The following LYSMD1 variants were observed in gnomAD, a reference collection of about 807,000 sequenced individuals.
The protein encoded by LYSMD1 is lysM and putative peptidoglycan-binding domain-containing protein 1.
Under a neutral mutation model 19.3 loss-of-function variants are expected in LYSMD1, and 9 were observed. The observed-to-expected ratio is 0.47, with a 90% CI of 0.28 to 0.81. The LOEUF is 0.81. LYSMD1 is among the 40% of genes least tolerant of loss of function. The pLI is 0.11. For synonymous variants in LYSMD1, 111 were observed against 111.7 expected (o/e 0.99, Z 0.04); for missense variants, 262 against 279.8 (o/e 0.94, Z 0.45).
rs1425177988 is a variant in LYSMD1 at position 151,165,658 on chromosome 1, T to A, written c.-400A>T. The A allele has an allele frequency of 1.9e-6, 3 of 1,549,728 alleles. No individual in the cohort carries two copies. The East Asian group carries it at 7.3e-5, about 38-fold the overall frequency. On this transcript the variant is annotated 5_prime_UTR_variant, in exon 1 of 3. Transcript: ENST00000368908. ...AGCTCTCCCCGGTCCCGGGGTTTGT[T>A]TGCTAGAGTCAGGAACAAATCAGGC...
chr1:151,151,402 T>C, the LYSMD1 span, among the ~76,000 whole-genome samples: 1 of 150,016 alleles, frequency 6.7e-6, no homozygotes, highest in Non-Finnish European at 1.5e-5. Context: ...GGTTTCACCG[T>C]GTTAGCCAGG....
Position 151,160,809 on chromosome 1 carries a change from C to T in LYSMD1, c.*73G>A, listed in dbSNP as rs1314929491. On this transcript the variant is annotated 3_prime_UTR_variant, in exon 3 of 3. Transcript: ENST00000368908. ...CAGGCTCATAAGCCATGTTCTTGAG[C>T]CTCACCTCAGGCTCCTCTCCCCCTG... 1 of 1,535,854 alleles carries T rather than the reference C, an allele frequency of 6.5e-7. No individual in the cohort carries two copies. The highest frequency in any genetic ancestry group is 1.7e-5 in the Admixed American group (1 of 57,898).
At position 151,162,376 on chromosome 1, in the gene LYSMD1, G is replaced by A. The variant is rs374376994; in HGVS notation, c.181-276C>T. Reference sequence around the variant, plus strand: ...GGAGGCTGAGGAGGGAGGATAGCTTGAGCCCGGGAATTAGAGTCCAGCCTG... The same window carrying A: ...GGAGGCTGAGGAGGGAGGATAGCTTAAGCCCGGGAATTAGAGTCCAGCCTG... On this transcript the variant is annotated intron_variant, in intron 1 of 2. Transcript: ENST00000368908. 2.6e-5 allele frequency among the ~76,000 whole-genome samples: 4 copies of A among 152,270 alleles called. No homozygotes were observed. In the East Asian group the frequency reaches 7.7e-4, roughly 29 times the overall value.
Position 151,165,723 on chromosome 1 carries a change from G to C in LYSMD1, c.-465C>G. The C allele has an allele frequency of 1.3e-6, 2 of 1,551,716 alleles. No individual in the cohort carries two copies. The highest frequency in any genetic ancestry group is 1.7e-6 in the Non-Finnish European group (2 of 1,147,000). The stretch of plus-strand genomic sequence containing the variant: ...CTGTCGCCGCAGACGAAGAGCGTGA[G>C]GATTGCAAGAATTTGTAGTACACCT... On this transcript the variant is annotated 5_prime_UTR_variant, in exon 1 of 3. Coordinates refer to ENST00000368908, the MANE Select transcript of LYSMD1 (RefSeq NM_212551.5).
rs781047723 is a variant in LYSMD1, at chr1:151,165,201, G to A, written c.58C>T (p.Arg20Trp). 1.2e-6 allele frequency: 2 copies of A among 1,614,136 alleles called. No individual in the cohort carries two copies. Among genetic ancestry groups the A allele is most frequent in the Admixed American group, 1.7e-5 (1 of 60,024 alleles). ...PGGSGLLQGS[R>W]ARSYGSLVQS... ...ACCAGGCTTCCATATGAACGAGCCCGGCTCCCTTGAAGCAGTCCTGACCCC... is the reference window on the plus strand; with the variant it reads ...ACCAGGCTTCCATATGAACGAGCCCAGCTCCCTTGAAGCAGTCCTGACCCC... The change falls in exon 1 of 3, where the codon CGG (arginine) becomes TGG (tryptophan). Residue 20 changes from arginine to tryptophan, a missense_variant. Transcript: ENST00000368908.
chr1:151,158,962 C>G (rs750403186), downstream of LYSMD1: 70 of 1,614,152 alleles, frequency 4.3e-5, no homozygotes, highest in Non-Finnish European at 5.6e-5. Context: ...CCTGGCTACC[C>G]GCTTTCGCCA....
Position 151,165,881 on chromosome 1 carries a change from G to A in LYSMD1, c.-623C>T. On this transcript the variant is annotated 5_prime_UTR_variant, in exon 1 of 3. Transcript: ENST00000368908. ...GATGCAAGGGCCTGGATCCAGTTGAGCGGCAAGGTCTTTGAGAAAAGACTT... is the reference window on the plus strand; with the variant it reads ...GATGCAAGGGCCTGGATCCAGTTGAACGGCAAGGTCTTTGAGAAAAGACTT... 9.4e-7 allele frequency: 1 copy of A among 1,064,474 alleles called. No homozygotes were observed. Among genetic ancestry groups the A allele is most frequent in the Non-Finnish European group, 1.4e-6 (1 of 704,748 alleles). 65.9% of individuals were successfully genotyped at this position (1,064,474 alleles called of 1,614,324 possible). A position where few individuals can be genotyped will look rare whatever the true frequency, so the allele number is the denominator to read the frequency against.
At chr1:151,149,133 G>A in the LYSMD1 span, among the ~76,000 whole-genome samples, 3 of 152,182 alleles carry the variant, frequency 2.0e-5, no homozygotes, top group Non-Finnish European at 4.4e-5. Context: ...GCTCACCCCT[G>A]TAATCCCAGC....
rs749506715 is a variant in LYSMD1, at chr1:151,160,953, G to T, written c.613C>A (p.Pro205Thr). The T allele has an allele frequency of 1.2e-6, 2 of 1,614,048 alleles. No individual in the cohort carries two copies. The highest frequency in any genetic ancestry group is 1.7e-6 in the Non-Finnish European group (2 of 1,180,030). ...CGAGAGGTACGGGTCAGCGGCACAG[G>T]ACCTAGGACTGCTCGTTGCTGCATC... The part of the protein sequence containing the change: ...PWMQQRAVLG[P>T]VPLTRTSRTR... Residue 205 changes from proline (P) to threonine (T), a missense_variant, in exon 3 of 3, where the codon CCT (proline) becomes ACT (threonine). By Grantham distance (38) the Pro-to-Thr change is conservative. Coordinates refer to ENST00000368908, the MANE Select transcript of LYSMD1 (RefSeq NM_212551.5).
Position 151,165,779 on chromosome 1 carries a change from G to A in LYSMD1, c.-521C>T. ...TCAGAGATCCTCAAAGGTCCGCTCC[G>A]CATAAGATAGGTCACACCCTCAAAT... On this transcript the variant is annotated 5_prime_UTR_variant, in exon 1 of 3. Coordinates refer to ENST00000368908, the MANE Select transcript of LYSMD1 (RefSeq NM_212551.5). 1 of 1,551,420 alleles carries A rather than the reference G, an allele frequency of 6.4e-7. No homozygotes were observed. The highest frequency in any genetic ancestry group is 8.7e-7 in the Non-Finnish European group (1 of 1,146,706).
At chr1:151,161,064 G>A (rs1209137191) in intron 2 of LYSMD1, 44 bp from the exon 3 acceptor site, 2 of 1,605,978 alleles carry the variant, frequency 1.2e-6, no homozygotes, top group Non-Finnish European at 1.7e-6. Flanking sequence ...ATCAAGGGAA[G>A]AACCTGACAA....
downstream of LYSMD1, among the ~76,000 whole-genome samples, chr1:151,157,152 A>T (rs1043773456): frequency 4.6e-5 from 7 of 152,182 alleles, no homozygotes; most frequent in Non-Finnish European, 2.9e-5. Context: ...GGGTAACAGG[A>T]AGGCCAAGGA....
downstream of LYSMD1, chr1:151,159,048 T>C: frequency 6.2e-7 from 1 of 1,614,224 alleles, no homozygotes; most frequent in Non-Finnish European, 8.5e-7. Flanking sequence ...CTGTTCTGGC[T>C]GGCCTGCTGA....
chr1:151,158,877 C>G (rs373860659), downstream of LYSMD1: 34 of 1,614,128 alleles, frequency 2.1e-5, no homozygotes, highest in Non-Finnish European at 2.8e-5. Context: ...AGCGCGTGAT[C>G]AAGGACCTGA....
intron 1 of LYSMD1, among the ~76,000 whole-genome samples, chr1:151,164,544 C>T (rs1341737606): frequency 6.6e-6 from 1 of 152,092 alleles, no homozygotes; most frequent in African/African-American, 2.4e-5. Context: ...AAGGAGGCCA[C>T]CTTACTGGAA....
At chr1:151,163,490 T>C (rs780131891) in intron 1 of LYSMD1, among the ~76,000 whole-genome samples, 26 of 152,138 alleles carry the variant, frequency 1.7e-4, no homozygotes, top group Admixed American at 3.3e-4. Flanking sequence ...TAATGAAATA[T>C]AGAAACTACA....
Position 151,165,711 on chromosome 1 carries a change from C to G in LYSMD1, c.-453G>C, listed in dbSNP as rs1033731265. On this transcript the variant is annotated 5_prime_UTR_variant, in exon 1 of 3. Transcript: ENST00000368908. Reference sequence around the variant, plus strand: ...ACCCCAGGTGAACTGTCGCCGCAGACGAAGAGCGTGAGGATTGCAAGAATT... The same window carrying G: ...ACCCCAGGTGAACTGTCGCCGCAGAGGAAGAGCGTGAGGATTGCAAGAATT... 3.2e-6 allele frequency: 5 copies of G among 1,551,590 alleles called. No individual in the cohort carries two copies. The Admixed American group carries it at 9.8e-5, about 30-fold the overall frequency.
chr1:151,154,496 A>AAGAG, the LYSMD1 span, among the ~76,000 whole-genome samples: 5 of 146,780 alleles, frequency 3.4e-5, no homozygotes, highest in Non-Finnish European at 7.5e-5. Context: ...AAAAGAAAGA[A>AAGAG]AGAGAGAGAG....
At chr1:151,157,311 C>A (rs1683258489), downstream of LYSMD1, among the ~76,000 whole-genome samples, 1 of 152,248 alleles carries the variant, frequency 6.6e-6, no homozygotes, top group Non-Finnish European at 1.5e-5. Context: ...TCCACCTCCT[C>A]TGCCTCTTCA....
Sources: gnomAD v4.1 joint callset for allele counts (sites outside exome capture counted in the v4.1 genomes callset) on GRCh38, gnomAD v4.1.1 for gene constraint, MANE v1.5 for transcripts, NCBI Gene and HGNC (gene_info 2026-07-23, HGNC 2026-07-21) for gene names.